The following OBI1 variants were observed in gnomAD, a reference collection of about 807,000 sequenced individuals.
OBI1 encodes the protein ring finger protein 219.
A neutral mutation model predicts 62.4 loss-of-function variants in OBI1; 59 were observed. The observed-to-expected ratio is 0.95, with a 90% CI of 0.77 to 1.17. OBI1 has a LOEUF of 1.17. Ranked by LOEUF, OBI1 falls within the 50% of genes most tolerant of loss-of-function variation. The pLI, the probability that OBI1 is intolerant of heterozygous loss-of-function variation, is 0.00. For synonymous variants in OBI1, 302 were observed against 292.8 expected, an observed-to-expected ratio of 1.03 and a Z score of -0.32; for missense variants, 875 against 830.9, an observed-to-expected ratio of 1.05 and a Z score of -0.65.
chr13:78,652,451 A>G (rs1876572936), intron 1 of OBI1, among the ~76,000 whole-genome samples: 1 of 151,924 alleles, frequency 6.6e-6, no homozygotes, highest in African/African-American at 2.4e-5. Context: ...TATCCAATTT[A>G]CTCTCAAATG....
At chr13:78,647,266 TTGAGA>T (rs1489967238) in intron 1 of OBI1, among the ~76,000 whole-genome samples, 1 of 152,176 alleles carries the variant, frequency 6.6e-6, no homozygotes, top group Non-Finnish European at 1.5e-5. Context: ...CCCCTTGCAG[TTGAGA>T]TAAGAGGAAG....
chr13:78,618,614 G>A (rs1008646701), intron 5 of OBI1, among the ~76,000 whole-genome samples: 2 of 151,888 alleles, frequency 1.3e-5, no homozygotes, highest in Admixed American at 1.3e-4. Flanking sequence ...GATTAGAAAG[G>A]GCTTTAAAAG....
chr13:78,616,799 C>T lies in OBI1; in HGVS notation c.962G>A (p.Cys321Tyr). ...HLAKPSSSRL[C>Y]DTSSARQEST... is the part of the protein sequence containing the mutation. ...TTCCTGCCTTGCAGAACTGGTGTCACACAGTCTGCTGCTGGAAGGCTTCGC... is the reference window on the plus strand; with the variant it reads ...TTCCTGCCTTGCAGAACTGGTGTCATACAGTCTGCTGCTGGAAGGCTTCGC... Residue 321 changes from cysteine (C) to tyrosine (Y), a missense_variant, in exon 6 of 6, where the codon TGT becomes TAT. Transcript: ENST00000282003. 1 of 1,614,156 alleles carries T rather than the reference C, an allele frequency of 6.2e-7. No homozygotes were observed. Among genetic ancestry groups the T allele is most frequent in the South Asian group, 1.1e-5 (1 of 91,088 alleles).
chr13:78,632,163 T>C (rs1310188755), intron 5 of OBI1, among the ~76,000 whole-genome samples: 1 of 152,074 alleles, frequency 6.6e-6, no homozygotes, highest in Non-Finnish European at 1.5e-5. Context: ...TAAGGCTAAA[T>C]GAGGTCATTA....
rs1189114128 is a variant in OBI1 at position 78,615,966 on chromosome 13, CATTA to C, written c.1791_1794del (p.Asn598IlefsTer3). The C allele has an allele frequency of 1.9e-6, 3 of 1,613,740 alleles. No homozygotes were observed. The highest frequency in any genetic ancestry group is 2.5e-6 in the Non-Finnish European group (3 of 1,179,896). ...CATTCACTTCCATTTTCTAACTGAT[CATTA>C]GTTAGAGAACCTTTGGAAAGGTTTA... On this transcript the variant is annotated frameshift_variant, in exon 6 of 6. Coordinates refer to ENST00000282003, the MANE Select transcript of OBI1 (RefSeq NM_024546.4). LOFTEE classifies it high-confidence loss of function.
chr13:78,641,697 T>C (rs1299118611), intron 3 of OBI1, among the ~76,000 whole-genome samples: 1 of 152,160 alleles, frequency 6.6e-6, no homozygotes, highest in Non-Finnish European at 1.5e-5. Context: ...CTTATAATCA[T>C]CAGTAACTTC....
intron 5 of OBI1, among the ~76,000 whole-genome samples, chr13:78,629,135 T>G (rs1875769834): frequency 6.6e-6 from 1 of 152,090 alleles, no homozygotes; most frequent in Non-Finnish European, 1.5e-5. Flanking sequence ...GCCCAGAGTA[T>G]CTAGAGCCTT....
Position 78,616,402 on chromosome 13 carries a change from T to C in OBI1, c.1359A>G (p.Glu453=). The C allele has an allele frequency of 6.2e-7, 1 of 1,612,888 alleles. No individual in the cohort carries two copies. Among genetic ancestry groups the C allele is most frequent in the Non-Finnish European group, 8.5e-7 (1 of 1,179,428 alleles). Reference sequence around the variant, plus strand: ...GGGAAGAAAAACATTCTGATTTCTTTTCATTTTCACTTCTACTTATATCAT... The same window carrying C: ...GGGAAGAAAAACATTCTGATTTCTTCTCATTTTCACTTCTACTTATATCAT... ...SEDDISRSEN[E]KKSECFSSPK... The change falls in exon 6 of 6, where the codon GAA becomes GAG. Residue 453 remains glutamate, a synonymous_variant. Coordinates refer to ENST00000282003, the MANE Select transcript of OBI1 (RefSeq NM_024546.4).
intron 5 of OBI1, among the ~76,000 whole-genome samples, chr13:78,619,755 C>A (rs1489146467): frequency 6.6e-6 from 1 of 152,116 alleles, no homozygotes; most frequent in Non-Finnish European, 1.5e-5. Context: ...ATATTCACTG[C>A]CAGATTCCTA....
chr13:78,644,818 T>C (rs748208550), intron 2 of OBI1, 44 bp downstream of exon 2: 1 of 1,584,418 alleles, frequency 6.3e-7, no homozygotes, highest in Non-Finnish European at 8.7e-7. Flanking sequence ...TATTTGGAGA[T>C]TGTTTCAAAC....
At chr13:78,647,981 TAA>T (rs112397865) in intron 1 of OBI1, among the ~76,000 whole-genome samples, 1 of 149,266 alleles carries the variant, frequency 6.7e-6, no homozygotes, top group Non-Finnish European at 1.5e-5. Context: ...ACAGATTCAT[TAA>T]AAAAAAAAAT....
rs1265238617 is a variant in OBI1 at position 78,615,286 on chromosome 13, AAAAAACAAAACC to A, written c.*282_*293del. 6 of 258,964 alleles carry A rather than the reference AAAAAACAAAACC, an allele frequency of 2.3e-5. No homozygotes were observed. The highest frequency in any genetic ancestry group is 7.6e-5 in the East Asian group (1 of 13,108). The allele number at this position is 258,964 out of a possible 1,614,324, so 16.0% of individuals were successfully genotyped here. ...ACCGAGATACATATCAAATTCAGTA[AAAAAACAAAACC>A]AAAAACAAAACCAACCAACCAACCA... is the stretch of plus-strand genomic sequence containing the variant. On this transcript the variant is annotated 3_prime_UTR_variant, in exon 6 of 6. Transcript: ENST00000282003.
At position 78,616,546 on chromosome 13, in the gene OBI1, A is replaced by G; in HGVS notation, c.1215T>C (p.Asn405=). The change falls in exon 6 of 6, where the codon AAT becomes AAC. Residue 405 remains asparagine (N), a synonymous_variant. Coordinates refer to ENST00000282003, the MANE Select transcript of OBI1 (RefSeq NM_024546.4). ...LSCLQLSTPE[N]RESSVVQAGG... is the part of the protein sequence containing the mutation. ...CTGCTTGGACCACAGAGCTCTCTCTATTTTCTGGAGTACTGAGCTGAAGGC... is the reference window on the plus strand; with the variant it reads ...CTGCTTGGACCACAGAGCTCTCTCTGTTTTCTGGAGTACTGAGCTGAAGGC... 4 of 1,614,022 alleles carry G rather than the reference A, an allele frequency of 2.5e-6. No homozygotes were observed. The highest frequency in any genetic ancestry group is 3.4e-6 in the Non-Finnish European group (4 of 1,179,990).
intron 5 of OBI1, among the ~76,000 whole-genome samples, chr13:78,618,850 ATG>A (rs1029012445): frequency 6.6e-6 from 1 of 152,184 alleles, no homozygotes; most frequent in Non-Finnish European, 1.5e-5. Flanking sequence ...TGGCTTATAA[ATG>A]TAGTACTTCA....
At chr13:78,648,413 T>C (rs916485857) in intron 1 of OBI1, among the ~76,000 whole-genome samples, 3 of 149,730 alleles carry the variant, frequency 2.0e-5, no homozygotes, top group Admixed American at 2.0e-4. Context: ...ACTTTTATAG[T>C]AAGTTATTTT....
At chr13:78,650,284 A>G (rs1286166730) in intron 1 of OBI1, among the ~76,000 whole-genome samples, 1 of 152,206 alleles carries the variant, frequency 6.6e-6, no homozygotes, top group Non-Finnish European at 1.5e-5. Context: ...TGAAAAAGTG[A>G]TAGGGTCAAC....
At chr13:78,648,309 C>CAG (rs1876447856) in intron 1 of OBI1, among the ~76,000 whole-genome samples, 1 of 151,208 alleles carries the variant, frequency 6.6e-6, no homozygotes, top group Non-Finnish European at 1.5e-5. Context: ...CACACACACA[C>CAG]ACAGACACAC....
In OBI1 at chr13:78,642,182, G is replaced by C. The variant is rs1214442325; in HGVS notation, c.240C>G (p.Ser80Arg). The change falls in exon 3 of 6, where the codon AGC becomes AGG. Residue 80 changes from serine (S) to arginine (R), a missense_variant. Ser to Arg is a moderately radical substitution (Grantham distance 110, BLOSUM62 -1). Coordinates refer to ENST00000282003, the MANE Select transcript of OBI1 (RefSeq NM_024546.4). ...GGTSESEPML[S>R]HTVRKHLRKT... The stretch of plus-strand genomic sequence containing the variant: ...TCCGAAGATGCTTCCTGACCGTATG[G>C]CTTAGCATAGGTTCACTTTCACTTG... 6.2e-7 allele frequency: 1 copy of C among 1,609,002 alleles called. No individual in the cohort carries two copies. The highest frequency in any genetic ancestry group is 8.5e-7 in the Non-Finnish European group (1 of 1,176,288).
intron 5 of OBI1, among the ~76,000 whole-genome samples, chr13:78,620,024 T>A (rs1385782547): frequency 1.3e-5 from 2 of 152,216 alleles, no homozygotes; most frequent in African/African-American, 4.8e-5. Context: ...CTGACATATG[T>A]ACAGTACAGC....
Sources: allele counts gnomAD v4.1 joint callset (sites outside exome capture counted in the v4.1 genomes callset), GRCh38; gene constraint gnomAD v4.1.1; transcripts MANE v1.5; gene names NCBI Gene and HGNC (gene_info 2026-07-23, HGNC 2026-07-21).